ADD2: variants seen among roughly 807,000 people sequenced by gnomAD.
The protein encoded by ADD2 is adducin 2.
In ADD2, 23 loss-of-function variants were observed where a neutral mutation model predicts 83.0. That is an observed-to-expected ratio of 0.28 (90% CI 0.20 to 0.39). ADD2 has a LOEUF of 0.39. Ranked by LOEUF, ADD2 falls within the 10% of genes least tolerant of loss-of-function variation. The pLI, the probability that ADD2 is intolerant of heterozygous loss-of-function variation, is 1.00. For missense variants in ADD2, 758 were observed against 944.9 expected (o/e 0.80, Z 2.59); for synonymous variants, 375 against 375.4 (o/e 1.00, Z 0.01).
chr2:70,761,136 C>A (rs1675063810), intron 1 of ADD2, among the ~76,000 whole-genome samples: 1 of 151,524 alleles, frequency 6.6e-6, no homozygotes, highest in African/African-American at 2.4e-5. Flanking sequence ...AGTATTGTAA[C>A]CTATGTAACT....
chr2:70,719,288 T>C (rs1378249845), intron 1 of ADD2, among the ~76,000 whole-genome samples: 2 of 152,302 alleles, frequency 1.3e-5, no homozygotes, highest in South Asian at 2.1e-4. Flanking sequence ...GGTCAGGACC[T>C]GGCTCACCAC....
At chr2:70,677,007 C>T (rs1670186401) in intron 12 of ADD2, 122 bp from the exon 13 acceptor site, 16 of 1,450,830 alleles carry the variant, frequency 1.1e-5, no homozygotes, top group Middle Eastern at 1.8e-4. Flanking sequence ...GAGCCCGTCA[C>T]CTATCCTAAT....
Position 70,692,200 on chromosome 2 carries a change from G to A in ADD2, c.705+203C>T, listed in dbSNP as rs116047305. 4.9e-3 allele frequency among the ~76,000 whole-genome samples: 742 copies of A among 152,336 alleles called. 3 individuals carry two copies. The highest frequency in any genetic ancestry group is 0.017 in the African/African-American group (710 of 41,586). ...TATGCAGTATGTGGGGGATGCGATG[G>A]AACAGACATTCCATGTCTTCACGTT... is the stretch of plus-strand genomic sequence containing the variant. On this transcript the variant is annotated intron_variant, in intron 7 of 15. Coordinates refer to ENST00000264436, the MANE Select transcript of ADD2 (RefSeq NM_001617.4).
chr2:70,723,579 G>A (rs990379408), intron 1 of ADD2, among the ~76,000 whole-genome samples: 4 of 152,250 alleles, frequency 2.6e-5, no homozygotes, highest in Admixed American at 6.5e-5. Flanking sequence ...TAGCTGATAC[G>A]CACTTTAAAT....
chr2:70,681,331 C>T (rs1670438544), intron 10 of ADD2, among the ~76,000 whole-genome samples: 1 of 152,214 alleles, frequency 6.6e-6, no homozygotes, highest in Admixed American at 6.5e-5. Context: ...ATCACCCATA[C>T]CTTAGCCCCC....
At chr2:70,749,977 CA>C (rs1674426442) in intron 1 of ADD2, among the ~76,000 whole-genome samples, 6 of 152,178 alleles carry the variant, frequency 3.9e-5, no homozygotes, top group Admixed American at 3.3e-4. Context: ...GTCACACAGA[CA>C]AAAGACTTTC....
chr2:70,756,291 G>A (rs1307748859), intron 1 of ADD2, among the ~76,000 whole-genome samples: 2 of 152,098 alleles, frequency 1.3e-5, no homozygotes, highest in East Asian at 3.9e-4. Context: ...CTAGATGGGT[G>A]TTCTTAGAGA....
intron 15 of ADD2, among the ~76,000 whole-genome samples, chr2:70,669,584 G>A (rs1223477511): frequency 6.6e-6 from 1 of 152,224 alleles, no homozygotes; most frequent in Non-Finnish European, 1.5e-5. Flanking sequence ...TATACTTTCA[G>A]TATCTGGTAG....
Position 70,688,036 on chromosome 2 carries a change from T to A in ADD2, c.936A>T (p.Ala312=), listed in dbSNP as rs782102633. ...AGAATTTGCTCACCTGTATCTCACATGCAGCCTGCAGGTGGAAGATCTTGT... is the reference window on the plus strand; with the variant it reads ...AGAATTTGCTCACCTGTATCTCACAAGCAGCCTGCAGGTGGAAGATCTTGT... ...AFYKIFHLQA[A]CEIQVSALSS... The change falls in exon 9 of 16, where the codon GCA becomes GCT. Residue 312 remains alanine, a synonymous_variant. Coordinates refer to ENST00000264436, the MANE Select transcript of ADD2 (RefSeq NM_001617.4). 1.2e-6 allele frequency: 2 copies of A among 1,614,140 alleles called. No homozygotes were observed. The highest frequency in any genetic ancestry group is 2.2e-5 in the South Asian group (2 of 91,084).
intron 1 of ADD2, among the ~76,000 whole-genome samples, chr2:70,747,097 G>A (rs531084781): frequency 4.2e-5 from 6 of 143,730 alleles, no homozygotes; most frequent in African/African-American, 1.6e-4. Context: ...TGTAAGCTCC[G>A]CCTCCCAGGT....
intron 1 of ADD2, among the ~76,000 whole-genome samples, chr2:70,723,545 C>T (rs1672835207): frequency 6.6e-6 from 1 of 152,176 alleles, no homozygotes; most frequent in African/African-American, 2.4e-5. Flanking sequence ...TCAATTTCTG[C>T]ACTACAAGAC....
intron 1 of ADD2, among the ~76,000 whole-genome samples, chr2:70,750,149 A>G (rs1294488073): frequency 6.6e-6 from 1 of 152,140 alleles, no homozygotes; most frequent in African/African-American, 2.4e-5. Flanking sequence ...TTCATGTTAC[A>G]TCTCTTGGGA....
chr2:70,695,687 T>A, intron 6 of ADD2, 34 bp downstream of exon 6: 1 of 1,593,390 alleles, frequency 6.3e-7, no homozygotes, highest in Non-Finnish European at 8.6e-7. Flanking sequence ...GTCATTTCAA[T>A]AAGGAGTGGG....
chr2:70,750,648 G>C (rs1553382799), intron 1 of ADD2, among the ~76,000 whole-genome samples: 1 of 152,172 alleles, frequency 6.6e-6, no homozygotes, highest in African/African-American at 2.4e-5. Context: ...GAGTACCCTA[G>C]AGCCTTCAGA....
In ADD2 at chr2:70,660,793, C is replaced by G. The variant is rs1675514360; in HGVS notation, c.*2632G>C. 1 of 152,244 alleles carries G rather than the reference C, an allele frequency of 6.6e-6. No individual in the cohort carries two copies. The highest frequency in any genetic ancestry group is 1.5e-5 in the Non-Finnish European group (1 of 68,042). The allele number at this position is 152,244 out of a possible 1,614,324, so 9.4% of individuals were successfully genotyped here. On this transcript the variant is annotated 3_prime_UTR_variant, in exon 16 of 16. Transcript: ENST00000264436. ...CCTTTCATTCTACTGGAAATTTACT[C>G]TTTGTTTTAAAACCTTAGCAGCCAT...
intron 1 of ADD2, among the ~76,000 whole-genome samples, chr2:70,763,894 CTTTTT>C (rs879960315): frequency 6.9e-6 from 1 of 145,920 alleles, no homozygotes; most frequent in Non-Finnish European, 1.5e-5. Flanking sequence ...ATTTTCTTTT[CTTTTT>C]TTTTTTGAGT....
intron 4 of ADD2, among the ~76,000 whole-genome samples, chr2:70,699,787 A>C (rs1429597798): frequency 6.6e-6 from 1 of 151,184 alleles, no homozygotes. Flanking sequence ...CTCAAAAACA[A>C]AACAAAAAAA....
chr2:70,699,927 A>G (rs1453947448), intron 4 of ADD2, among the ~76,000 whole-genome samples: 1 of 152,242 alleles, frequency 6.6e-6, no homozygotes, highest in African/African-American at 2.4e-5. Context: ...GGGCAAAACA[A>G]TATTCTCTTA....
chr2:70,674,966 G>A, intron 13 of ADD2, 141 bp from the exon 14 acceptor site: 1 of 1,379,560 alleles, frequency 7.2e-7, no homozygotes, highest in East Asian at 2.5e-5. Context: ...AACAGCTCAG[G>A]GCCTTGGGGT....
Sources: allele counts gnomAD v4.1 joint callset (sites outside exome capture counted in the v4.1 genomes callset), GRCh38; gene constraint gnomAD v4.1.1; transcripts MANE v1.5; gene names NCBI Gene and HGNC (gene_info 2026-07-23, HGNC 2026-07-21).